Variants in CHD6 observed in about 807,000 individuals in gnomAD.
The protein encoded by CHD6 is chromodomain helicase DNA binding protein 6, also known as ATP-dependent chromatin remodeler CHD6.
CHD6 carries 50 observed loss-of-function variants against 276.9 expected under a neutral mutation model. That is an observed-to-expected ratio of 0.18 (90% CI 0.14 to 0.23). CHD6 has a LOEUF of 0.23. CHD6 is among the 10% of genes least tolerant of loss of function. The probability of loss-of-function intolerance (pLI) is 1.00; values close to 1 mark genes in which losing one functional copy is unlikely to be tolerated. For missense variants in CHD6, 2,564 were observed against 3,365.8 expected, an observed-to-expected ratio of 0.76 and a Z score of 5.89; for synonymous variants, 1,173 against 1,229.3, an observed-to-expected ratio of 0.95 and a Z score of 0.96.
At chr20:41,592,396 T>C (rs1477365441) in intron 1 of CHD6, among the ~76,000 whole-genome samples, 1 of 152,184 alleles carries the variant, frequency 6.6e-6, no homozygotes, top group African/African-American at 2.4e-5. Flanking sequence ...GCTGGAGTAA[T>C]AGGTAATGTT....
In CHD6 at chr20:41,413,532, C is replaced by A. The variant is rs142235758; in HGVS notation, c.6940-17G>T. On this transcript the variant is annotated splice_polypyrimidine_tract_variant and intron_variant, in intron 34 of 36. Coordinates refer to ENST00000373233, the MANE Select transcript of CHD6 (RefSeq NM_032221.5). ...ATGGACTTCCTGGATGAAGGAAAAA[C>A]GAGTATGTATAATCACGACACAATG... is the stretch of plus-strand genomic sequence containing the variant. 6.6e-7 allele frequency: 1 copy of A among 1,511,608 alleles called. No homozygotes were observed. The highest frequency in any genetic ancestry group is 1.3e-5 in the South Asian group (1 of 78,478). The allele number at this position is 1,511,608 out of a possible 1,614,324, so 93.6% of individuals were successfully genotyped here.
At chr20:41,541,046 A>C (rs894690586) in intron 2 of CHD6, among the ~76,000 whole-genome samples, 28 of 151,168 alleles carry the variant, frequency 1.9e-4, no homozygotes, top group East Asian at 3.9e-4. Context: ...AAAAAAAAAA[A>C]CCCACATGTC....
intron 2 of CHD6, among the ~76,000 whole-genome samples, chr20:41,534,545 A>G (rs1222302362): frequency 6.8e-6 from 1 of 147,694 alleles, no homozygotes; most frequent in Non-Finnish European, 1.5e-5. Flanking sequence ...TGAGAATCCC[A>G]GGAGAAAAAG....
intron 3 of CHD6, among the ~76,000 whole-genome samples, chr20:41,516,557 T>C (rs1465210223): frequency 6.6e-6 from 1 of 152,092 alleles, no homozygotes; most frequent in Non-Finnish European, 1.5e-5. Flanking sequence ...GCAACAGGGT[T>C]AGTAAATGGC....
chr20:41,556,190 G>T (rs1176523344), intron 1 of CHD6, among the ~76,000 whole-genome samples: 1 of 151,574 alleles, frequency 6.6e-6, no homozygotes, highest in Non-Finnish European at 1.5e-5. Flanking sequence ...GCAGTGAGCC[G>T]AGATGGCAGC....
intron 1 of CHD6, among the ~76,000 whole-genome samples, chr20:41,570,123 T>C (rs1025062073): frequency 5.3e-5 from 8 of 152,250 alleles, no homozygotes; most frequent in Non-Finnish European, 1.2e-4. Context: ...TCTTCAATCA[T>C]AGGCACCTTT....
At chr20:41,540,158 A>T (rs1246559894) in intron 2 of CHD6, among the ~76,000 whole-genome samples, 1 of 152,236 alleles carries the variant, frequency 6.6e-6, no homozygotes, top group Non-Finnish European at 1.5e-5. Flanking sequence ...TAGTATCTAG[A>T]AAAGTACCTG....
Position 41,484,574 on chromosome 20 carries a change from T to C in CHD6, c.2035A>G (p.Met679Val), listed in dbSNP as rs762060627. ...ACATCATCTTTCAGCCGCCGAAGCA[T>C]CATTGGTTTTAGGATAGACTGCAGT... ...KKLQSILKPM[M>V]LRRLKDDVEK... is the part of the protein sequence containing the mutation. Residue 679 changes from methionine (M) to valine (V), a missense_variant, in exon 15 of 37, where the codon ATG becomes GTG. Met to Val is a conservative substitution (Grantham distance 21). Coordinates refer to ENST00000373233, the MANE Select transcript of CHD6 (RefSeq NM_032221.5). 1.2e-6 allele frequency: 2 copies of C among 1,613,798 alleles called. No homozygotes were observed. The highest frequency in any genetic ancestry group is 1.1e-5 in the South Asian group (1 of 91,068).
intron 11 of CHD6, 24 bp downstream of exon 11, chr20:41,491,674 T>C (rs768484967): frequency 2.8e-5 from 45 of 1,613,330 alleles, no homozygotes; most frequent in South Asian, 1.4e-4. Flanking sequence ...GGTACAAACA[T>C]CTGGGCTGGT....
At position 41,537,993 on chromosome 20, in the gene CHD6, G is replaced by A. The variant is rs530786618; in HGVS notation, c.34-4423C>T. ...AAAGGTGGAAGCAACTCCATCCATC[G>A]ACAGACGAACAGGCAAACAAAATGT... is the stretch of plus-strand genomic sequence containing the variant. On this transcript the variant is annotated intron_variant, in intron 2 of 36. Coordinates refer to ENST00000373233, the MANE Select transcript of CHD6 (RefSeq NM_032221.5). Among the ~76,000 whole-genome samples the A allele has an allele frequency of 7.9e-5, 12 of 152,312 alleles. No homozygotes were observed. In the East Asian group the frequency reaches 9.6e-4, roughly 12 times the overall value.
intron 2 of CHD6, among the ~76,000 whole-genome samples, chr20:41,540,633 C>T (rs2044922911): frequency 6.6e-6 from 1 of 152,168 alleles, no homozygotes; most frequent in South Asian, 2.1e-4. Flanking sequence ...GGAAAGGCCA[C>T]CACAAACCCT....
intron 2 of CHD6, among the ~76,000 whole-genome samples, chr20:41,537,547 G>C (rs986036953): frequency 1.3e-5 from 2 of 152,104 alleles, no homozygotes; most frequent in Non-Finnish European, 2.9e-5. Context: ...AGGAAGAAGT[G>C]CATAAAGAAA....
intron 8 of CHD6, among the ~76,000 whole-genome samples, chr20:41,494,655 C>A (rs2043637538): frequency 6.6e-6 from 1 of 152,184 alleles, no homozygotes; most frequent in African/African-American, 2.4e-5. Flanking sequence ...GGACCGTTCA[C>A]CCAGGTCTTT....
chr20:41,578,171 C>T (rs546901770), intron 1 of CHD6, among the ~76,000 whole-genome samples: 1 of 151,500 alleles, frequency 6.6e-6, no homozygotes, highest in Non-Finnish European at 1.5e-5. Context: ...CCCACGCCCC[C>T]AATGTAGCCA....
intron 17 of CHD6, among the ~76,000 whole-genome samples, chr20:41,468,724 G>A (rs1450237517): frequency 6.6e-6 from 1 of 152,120 alleles, no homozygotes; most frequent in Non-Finnish European, 1.5e-5. Context: ...TCAAGAAACA[G>A]GGGATGTAGG....
chr20:41,544,057 T>C (rs1235242963), intron 2 of CHD6, among the ~76,000 whole-genome samples: 4 of 151,872 alleles, frequency 2.6e-5, no homozygotes, highest in African/African-American at 7.3e-5. Flanking sequence ...CTGGGCAAAA[T>C]AGTGAAACCC....
chr20:41,465,441 C>T (rs963086257), intron 17 of CHD6, among the ~76,000 whole-genome samples: 1 of 152,156 alleles, frequency 6.6e-6, no homozygotes, highest in Non-Finnish European at 1.5e-5. Context: ...AGACTGAGAA[C>T]AGTCCACAAA....
intron 3 of CHD6, among the ~76,000 whole-genome samples, chr20:41,526,736 C>T (rs6065367): frequency 0.47 from 71,328 of 151,986 alleles, 18,069 homozygotes; most frequent in African/African-American, 0.67. Context: ...CCTCTTTTTG[C>T]TTTTTCATTC....
intron 27 of CHD6, among the ~76,000 whole-genome samples, chr20:41,435,251 T>C (rs570947525): frequency 6.6e-6 from 1 of 152,168 alleles, no homozygotes; most frequent in South Asian, 2.1e-4. Flanking sequence ...ATGCATATAT[T>C]AGACAAACAG....
Sources: allele counts gnomAD v4.1 joint callset (sites outside exome capture counted in the v4.1 genomes callset), GRCh38; gene constraint gnomAD v4.1.1; transcripts MANE v1.5; gene names NCBI Gene and HGNC (gene_info 2026-07-23, HGNC 2026-07-21).